CDH4: variants seen among roughly 807,000 people sequenced by gnomAD.
CDH4 encodes cadherin-4.
In CDH4, 33 loss-of-function variants were observed where a neutral mutation model predicts 86.0. The observed-to-expected ratio is 0.38, with a 90% CI of 0.29 to 0.51. The LOEUF (loss-of-function observed/expected upper bound fraction) is 0.51. CDH4 is among the 20% of genes least tolerant of loss of function. CDH4 has a pLI of 0.86. For missense variants in CDH4, 1,114 were observed against 1,307.4 expected (o/e 0.85, Z 2.28); for synonymous variants, 555 against 549.4 (o/e 1.01, Z -0.14).
At chr20:61,310,694 AC>A in intron 2 of CDH4, among the ~76,000 whole-genome samples, 1 of 148,690 alleles carries the variant, frequency 6.7e-6, no homozygotes, top group African/African-American at 2.4e-5. Context: ...TCGTTTCCTC[AC>A]TGTTCTGGGG....
intron 7 of CDH4, among the ~76,000 whole-genome samples, chr20:61,888,710 G>A (rs999744045): frequency 6.6e-5 from 10 of 152,328 alleles, no homozygotes; most frequent in East Asian, 5.8e-4. Flanking sequence ...GAGACCCAGC[G>A]GGCATCGGGC....
intron 2 of CDH4, among the ~76,000 whole-genome samples, chr20:61,286,710 G>C (rs1361290081): frequency 6.6e-6 from 1 of 152,228 alleles, no homozygotes; most frequent in African/African-American, 2.4e-5. Context: ...TGTCAGCCCA[G>C]CTTGCAGGGA....
rs757280412 is a variant in CDH4 at position 61,929,839 on chromosome 20, CTGAG to C, written c.2239+4_2239+7del. 4.3e-6 allele frequency: 7 copies of C among 1,612,628 alleles called. No individual in the cohort carries two copies. The highest frequency in any genetic ancestry group is 2.2e-5 in the East Asian group (1 of 44,886). On this transcript the variant is annotated splice_donor_variant and coding_sequence_variant, in exon 13 of 16. Coordinates refer to ENST00000614565, the MANE Select transcript of CDH4 (RefSeq NM_001794.5). LOFTEE classifies it high-confidence loss of function. Reference sequence around the variant, plus strand: ...CATCCTCATCTGCATCCTCATCCTGCTGAGTGAGTGTGGCTGAGCACCAGGGTGG... The same window carrying C: ...CATCCTCATCTGCATCCTCATCCTGCTGAGTGTGGCTGAGCACCAGGGTGG...
At position 61,518,254 on chromosome 20, in the gene CDH4, A is replaced by AT. The variant is rs751332793; in HGVS notation, c.170-225308dup. Among the ~76,000 whole-genome samples the AT allele has an allele frequency of 6.6e-6, 1 of 152,156 alleles. No homozygotes were observed. Among genetic ancestry groups the AT allele is most frequent in the Non-Finnish European group, 1.5e-5 (1 of 68,014 alleles). On this transcript the variant is annotated intron_variant, in intron 2 of 15. Coordinates refer to ENST00000614565, the MANE Select transcript of CDH4 (RefSeq NM_001794.5). This position sits in a 1 kb window ranked among gnomAD's most constrained non-coding sequence, Gnocchi z 6.3. ...CCGTGCCTCTCCACAGGCTGACTGC[A>AT]TGGTGGTGGTATAATTCCCACTATA...
chr20:61,659,038 C>T (rs1194122878), intron 2 of CDH4, among the ~76,000 whole-genome samples: 1 of 152,210 alleles, frequency 6.6e-6, no homozygotes, highest in Non-Finnish European at 1.5e-5. Flanking sequence ...GAGAATCAAC[C>T]TCATACTCCA....
intron 2 of CDH4, among the ~76,000 whole-genome samples, chr20:61,351,363 G>A (rs1419374212): frequency 6.6e-6 from 1 of 152,180 alleles, no homozygotes; most frequent in Non-Finnish European, 1.5e-5. Context: ...GGGGTGCCTG[G>A]ATTCTACGCA....
intron 4 of CDH4, among the ~76,000 whole-genome samples, chr20:61,781,299 G>T (rs1338540337): frequency 6.6e-6 from 1 of 151,962 alleles, no homozygotes; most frequent in Non-Finnish European, 1.5e-5. Context: ...CCAGAGAAAG[G>T]AACCCAGGAA....
At chr20:61,687,089 A>T (rs2087590427) in intron 2 of CDH4, among the ~76,000 whole-genome samples, 1 of 151,476 alleles carries the variant, frequency 6.6e-6, no homozygotes, top group Non-Finnish European at 1.5e-5. Flanking sequence ...TGATTAGGCG[A>T]CCTCCCCGCA....
rs1201270273 is a variant in CDH4 at position 61,895,016 on chromosome 20, A to G, written c.1157A>G (p.Asn386Ser). The change falls in exon 8 of 16, where the codon AAT becomes AGT. Residue 386 changes from asparagine (N) to serine (S), a missense_variant. Asn to Ser is a conservative substitution (Grantham distance 46). Coordinates refer to ENST00000614565, the MANE Select transcript of CDH4 (RefSeq NM_001794.5). ...GCCATCATCACGGTGACAGATGTGAATGACAACCCGCCAGAATTTACCGCC... is the reference window on the plus strand; with the variant it reads ...GCCATCATCACGGTGACAGATGTGAGTGACAACCCGCCAGAATTTACCGCC... Reference protein sequence around the residue: ...ATAIITVTDVNDNPPEFTAST... With the variant: ...ATAIITVTDVSDNPPEFTAST... 1 of 1,613,796 alleles carries G rather than the reference A, an allele frequency of 6.2e-7. No individual in the cohort carries two copies. The highest frequency in any genetic ancestry group is 8.5e-7 in the Non-Finnish European group (1 of 1,180,006).
intron 2 of CDH4, among the ~76,000 whole-genome samples, chr20:61,559,703 G>A (rs996403798): frequency 2.6e-5 from 4 of 151,660 alleles, no homozygotes; most frequent in Non-Finnish European, 4.4e-5. Flanking sequence ...ATTTTTAGTA[G>A]AGACAGGGTC....
At chr20:61,284,149 CA>C (rs5842344) in intron 2 of CDH4, among the ~76,000 whole-genome samples, 77,264 of 136,352 alleles carry the variant, frequency 0.57, 20,698 homozygotes, top group East Asian at 0.73. Context: ...ACTAAAAATA[CA>C]AAAAAAAAAA....
At chr20:61,477,158 C>A (rs2085542000) in intron 2 of CDH4, among the ~76,000 whole-genome samples, 1 of 152,182 alleles carries the variant, frequency 6.6e-6, no homozygotes, top group African/African-American at 2.4e-5. Context: ...CCTCTGCCTG[C>A]CAGCGGAATC....
intron 2 of CDH4, chr20:61,719,073 G>A (rs1469260378): frequency 4.2e-6 from 2 of 471,026 alleles, no homozygotes; most frequent in Non-Finnish European, 8.8e-6. Flanking sequence ...AATAGGAAGT[G>A]CTGGCGAAAG....
intron 9 of CDH4, among the ~76,000 whole-genome samples, chr20:61,914,302 T>G (rs990406496): frequency 3.3e-5 from 5 of 152,338 alleles, no homozygotes; most frequent in Admixed American, 3.3e-4. Flanking sequence ...GTGGATCCAC[T>G]GAGCACTAAG....
chr20:61,852,967 C>T, intron 6 of CDH4, 69 bp downstream of exon 6: 9 of 1,509,116 alleles, frequency 6.0e-6, no homozygotes, highest in Non-Finnish European at 7.2e-6. Context: ...GCCCTGAGGG[C>T]AGGGGAGGGC....
chr20:61,749,060 C>A, intron 3 of CDH4, among the ~76,000 whole-genome samples: 1 of 151,982 alleles, frequency 6.6e-6, no homozygotes, highest in East Asian at 1.9e-4. Flanking sequence ...ATGCAAGTAC[C>A]AATCAAAAGG....
chr20:61,295,014 A>G (rs1175693641), intron 2 of CDH4, among the ~76,000 whole-genome samples: 1 of 152,220 alleles, frequency 6.6e-6, no homozygotes, highest in Non-Finnish European at 1.5e-5. Flanking sequence ...GTCCCCTTGG[A>G]TGGAGTCTCT....
chr20:61,609,120 C>T (rs548619423), intron 2 of CDH4, among the ~76,000 whole-genome samples: 16 of 152,324 alleles, frequency 1.1e-4, no homozygotes, highest in African/African-American at 2.4e-4. Flanking sequence ...TTAGGGTATA[C>T]GAATGTGGCA....
Position 61,498,209 on chromosome 20 carries a change from T to TA in CDH4, c.169+243282dup, listed in dbSNP as rs112703046. 1.0e-3 allele frequency among the ~76,000 whole-genome samples: 149 copies of TA among 144,502 alleles called. 2 individuals are homozygous for TA. The South Asian group carries it at 0.016, about 16-fold the overall frequency. The allele number at this position is 144,502 out of a possible 152,430, so 94.8% of individuals were successfully genotyped here. The stretch of plus-strand genomic sequence containing the variant: ...TACCCTAGAACTTAAAGTATAATAA[T>TA]AAAAAAAAAAGGCCACAGCTTGTGA... On this transcript the variant is annotated intron_variant, in intron 2 of 15. Coordinates refer to ENST00000614565, the MANE Select transcript of CDH4 (RefSeq NM_001794.5).
Sources: allele counts gnomAD v4.1 joint callset (sites outside exome capture counted in the v4.1 genomes callset), GRCh38; gene constraint gnomAD v4.1.1; non-coding constraint Gnocchi (gnomAD v3.1); transcripts MANE v1.5; gene names NCBI Gene and HGNC (gene_info 2026-07-23, HGNC 2026-07-21).